The following N4BP2 variants were observed in gnomAD, a reference collection of about 807,000 sequenced individuals.
The protein encoded by N4BP2 is NEDD4 binding protein 2, also known as NEDD4-binding protein 2.
Under a neutral mutation model 152.8 loss-of-function variants are expected in N4BP2, and 91 were observed. The ratio of observed to expected loss-of-function variants is 0.60; its 90% CI spans 0.50 to 0.71. The LOEUF (loss-of-function observed/expected upper bound fraction) is 0.71, where lower values mean the gene tolerates loss of function less well. N4BP2 is among the 30% of genes least tolerant of loss of function. N4BP2 has a pLI of 0.00. For synonymous variants in N4BP2, 646 were observed against 705.3 expected (o/e 0.92, Z 1.33); for missense variants, 1,923 against 2,059.1 (o/e 0.93, Z 1.28).
the N4BP2 span, among the ~76,000 whole-genome samples, chr4:40,182,315 C>T: frequency 1.3e-5 from 2 of 152,196 alleles, no homozygotes; most frequent in Admixed American, 6.5e-5. Flanking sequence ...GAGGCAGATG[C>T]CACGTTAGGA....
chr4:40,110,110 TATA>T (rs1243283576), intron 5 of N4BP2, among the ~76,000 whole-genome samples: 17 of 152,222 alleles, frequency 1.1e-4, no homozygotes, highest in Non-Finnish European at 2.2e-4. Context: ...TTTCACTTAG[TATA>T]ATGTTTTCAA....
At chr4:40,124,561 G>A (rs555959173) in intron 11 of N4BP2, among the ~76,000 whole-genome samples, 2 of 152,182 alleles carry the variant, frequency 1.3e-5, no homozygotes, top group East Asian at 3.9e-4. Context: ...TGGTCAGGCT[G>A]GTCTTGAACT....
intron 13 of N4BP2, among the ~76,000 whole-genome samples, chr4:40,136,343 AATCTATCTATCTATCTATCTATCTATCT>A (rs56276709): frequency 7.3e-6 from 1 of 136,610 alleles, no homozygotes; most frequent in Non-Finnish European, 1.6e-5. Flanking sequence ...TTAGAAATTG[AATCTATCTATCTATCTATCTATCTATCT>A]ATCTATCTAT....
At chr4:40,073,130 T>A (rs1248767118) in intron 1 of N4BP2, among the ~76,000 whole-genome samples, 1 of 152,228 alleles carries the variant, frequency 6.6e-6, no homozygotes, top group East Asian at 1.9e-4. Flanking sequence ...TTGGGTTCTG[T>A]TGTTCCTTAT....
chr4:40,099,412 T>C (rs750940388), intron 3 of N4BP2, among the ~76,000 whole-genome samples: 3 of 151,942 alleles, frequency 2.0e-5, no homozygotes, highest in Non-Finnish European at 2.9e-5. Flanking sequence ...CTGGCTAATT[T>C]TTTTTTTTGT....
the N4BP2 span, among the ~76,000 whole-genome samples, chr4:40,182,871 T>C: frequency 2.2e-4 from 34 of 152,062 alleles, no homozygotes; most frequent in African/African-American, 8.2e-4. Context: ...GAGACGGGGT[T>C]TCACCATGTT....
At chr4:40,136,189 A>G (rs1719362399) in intron 13 of N4BP2, among the ~76,000 whole-genome samples, 1 of 152,170 alleles carries the variant, frequency 6.6e-6, no homozygotes, top group Non-Finnish European at 1.5e-5. Context: ...AGAATTTGAC[A>G]CAATAAAAAT....
the N4BP2 span, among the ~76,000 whole-genome samples, chr4:40,170,965 ATGAT>A: frequency 2.0e-5 from 3 of 152,206 alleles, no homozygotes; most frequent in African/African-American, 7.2e-5. Flanking sequence ...TTACATGTTT[ATGAT>A]TGAGAGATTT....
chr4:40,088,713 C>T (rs149634623), intron 2 of N4BP2, among the ~76,000 whole-genome samples: 52 of 152,098 alleles, frequency 3.4e-4, no homozygotes, highest in Non-Finnish European at 5.6e-4. Context: ...TTGGTCAGGC[C>T]GGTCTCGAAT....
At chr4:40,174,214 A>G in the N4BP2 span, among the ~76,000 whole-genome samples, 1 of 151,782 alleles carries the variant, frequency 6.6e-6, no homozygotes, top group Admixed American at 6.6e-5. Context: ...CTGTCTCTAC[A>G]AAAAATAAAA....
intron 3 of N4BP2, chr4:40,100,079 G>A (rs139470519): frequency 7.6e-4 from 346 of 456,032 alleles, no homozygotes; most frequent in African/African-American, 5.8e-3. Flanking sequence ...CTTGTGCACA[G>A]CACTTTTTCA....
At chr4:40,148,043 G>T (rs1290665135) in intron 16 of N4BP2, among the ~76,000 whole-genome samples, 1 of 152,174 alleles carries the variant, frequency 6.6e-6, no homozygotes, top group African/African-American at 2.4e-5. Flanking sequence ...CATCCCAGAC[G>T]GGGTGGCGGC....
intron 13 of N4BP2, 44 bp downstream of exon 13, chr4:40,131,963 C>T (rs374456006): frequency 1.7e-6 from 2 of 1,153,310 alleles, no homozygotes; most frequent in African/African-American, 1.5e-5. Context: ...TCTGATGTCA[C>T]TGAAAGCATA....
intron 17 of N4BP2, 132 bp from the exon 18 acceptor site, chr4:40,154,060 G>T: frequency 1.6e-6 from 1 of 625,370 alleles, no homozygotes; most frequent in Non-Finnish European, 2.7e-6. Flanking sequence ...CTTGGATATT[G>T]ACTTAATAAG....
At chr4:40,134,906 TC>T (rs1292404991) in intron 13 of N4BP2, among the ~76,000 whole-genome samples, 684 of 53,188 alleles carry the variant, frequency 0.013, 6 homozygotes, top group African/African-American at 0.047. Flanking sequence ...CCTTCCTTTC[TC>T]TCTCTCTCTC....
chr4:40,122,341 CTT>C, intron 9 of N4BP2, 32 bp downstream of exon 9: 2 of 1,371,202 alleles, frequency 1.5e-6, no homozygotes, highest in Non-Finnish European at 2.0e-6. Context: ...ATGTGTGTGT[CTT>C]TGTGTGACTA....
intron 14 of N4BP2, among the ~76,000 whole-genome samples, chr4:40,139,509 T>G (rs1719710707): frequency 1.3e-5 from 2 of 148,282 alleles, no homozygotes; most frequent in South Asian, 4.2e-4. Flanking sequence ...TTTTTTTTTT[T>G]GAGACAGAGA....
At position 40,152,148 on chromosome 4, in the gene N4BP2, T is replaced by G. The variant is rs149319628; in HGVS notation, c.5144-632T>G. Among the ~76,000 whole-genome samples, 825 of 152,338 alleles carry G rather than the reference T, an allele frequency of 5.4e-3. 9 individuals are homozygous for G. The highest frequency in any genetic ancestry group is 0.019 in the African/African-American group (797 of 41,582). ...CAGGAAAAGTTTGTTAACAATTGAT[T>G]ATCTTTAATAGTAAGACTGCAATCC... On this transcript the variant is annotated intron_variant, in intron 16 of 17. Transcript: ENST00000261435.
chr4:40,158,651 A>G (rs1452868437), downstream of N4BP2, among the ~76,000 whole-genome samples: 2 of 152,068 alleles, frequency 1.3e-5, no homozygotes, highest in African/African-American at 4.8e-5. Context: ...TTAGCCAGGC[A>G]TGGTGGCATA....
Sources: gnomAD v4.1 joint callset for allele counts (sites outside exome capture counted in the v4.1 genomes callset) on GRCh38, gnomAD v4.1.1 for gene constraint, MANE v1.5 for transcripts, NCBI Gene and HGNC (gene_info 2026-07-23, HGNC 2026-07-21) for gene names.